The following LRRC4C variants were observed in gnomAD, a reference collection of about 807,000 sequenced individuals.
LRRC4C encodes leucine-rich repeat-containing protein 4C.
LRRC4C carries 5 observed loss-of-function variants against 33.6 expected under a neutral mutation model. The ratio of observed to expected loss-of-function variants is 0.15; its 90% CI spans 0.08 to 0.31. LRRC4C has a LOEUF of 0.31. LRRC4C is among the 10% of genes least tolerant of loss of function. The pLI, the probability that LRRC4C is intolerant of heterozygous loss-of-function variation, is 1.00. For synonymous variants in LRRC4C, 329 were observed against 302.0 expected, an observed-to-expected ratio of 1.09 and a Z score of -0.93; for missense variants, 560 against 796.7, an observed-to-expected ratio of 0.70 and a Z score of 3.58.
intron 3 of LRRC4C, among the ~76,000 whole-genome samples, chr11:40,572,425 G>A (rs908734369): frequency 2.0e-5 from 3 of 152,162 alleles, no homozygotes; most frequent in Non-Finnish European, 4.4e-5. Flanking sequence ...GGTGGAAAGA[G>A]CTCATCGATG....
intron 2 of LRRC4C, among the ~76,000 whole-genome samples, chr11:40,924,743 A>G (rs1178404045): frequency 6.6e-6 from 1 of 152,172 alleles, no homozygotes; most frequent in Non-Finnish European, 1.5e-5. Flanking sequence ...ATATTGAAAT[A>G]TCATATATAT....
intron 3 of LRRC4C, among the ~76,000 whole-genome samples, chr11:40,509,705 T>G (rs960050598): frequency 6.6e-6 from 1 of 152,168 alleles, no homozygotes; most frequent in Non-Finnish European, 1.5e-5. Flanking sequence ...GAGATATTTT[T>G]GATTAAATAA....
At chr11:40,871,029 G>A (rs371411896) in intron 2 of LRRC4C, among the ~76,000 whole-genome samples, 1 of 152,038 alleles carries the variant, frequency 6.6e-6, no homozygotes, top group East Asian at 1.9e-4. Flanking sequence ...TTTTATGGTC[G>A]AAGCTGTAGG....
chr11:41,018,891 G>A lies in LRRC4C; in HGVS notation c.-495-85168C>T, dbSNP rs553213806. On this transcript the variant is annotated intron_variant, in intron 1 of 6. Coordinates refer to ENST00000528697, the MANE Select transcript of LRRC4C (RefSeq NM_001258419.2). Reference sequence around the variant, plus strand: ...TCATTCTCATTATTTCTTTGATATTGAGGTGCAATTTATATGCTGTAAAAT... The same window carrying A: ...TCATTCTCATTATTTCTTTGATATTAAGGTGCAATTTATATGCTGTAAAAT... 1.2e-4 allele frequency among the ~76,000 whole-genome samples: 19 copies of A among 152,150 alleles called. No individual in the cohort carries two copies. The South Asian group carries it at 3.7e-3, about 30-fold the overall frequency.
rs200533516 is a variant in LRRC4C, at chr11:40,242,183, G to GT, written c.-175-586dup. Among the ~76,000 whole-genome samples, 600 of 152,032 alleles carry GT rather than the reference G, an allele frequency of 3.9e-3. 5 individuals are homozygous for GT. Among genetic ancestry groups the GT allele is most frequent in the Admixed American group, 0.01 (156 of 15,266 alleles). On this transcript the variant is annotated intron_variant, in intron 4 of 6. Coordinates refer to ENST00000528697, the MANE Select transcript of LRRC4C (RefSeq NM_001258419.2). ...GGACTTCTCTGGTGTTTTTGGAAAT[G>GT]TTTTTTTTCTTATTGCATTACAATT... is the stretch of plus-strand genomic sequence containing the variant.
intron 1 of LRRC4C, among the ~76,000 whole-genome samples, chr11:40,946,363 G>A (rs972278923): frequency 6.6e-6 from 1 of 152,104 alleles, no homozygotes; most frequent in Non-Finnish European, 1.5e-5. Flanking sequence ...TTGATTCTAT[G>A]ACTGCTATGG....
chr11:40,586,852 G>C (rs1958777419), intron 3 of LRRC4C, among the ~76,000 whole-genome samples: 1 of 152,192 alleles, frequency 6.6e-6, no homozygotes, highest in South Asian at 2.1e-4. Context: ...TGTGGTACCA[G>C]TACCATGCTG....
At chr11:41,003,465 T>C (rs1854520669) in intron 1 of LRRC4C, among the ~76,000 whole-genome samples, 1 of 152,158 alleles carries the variant, frequency 6.6e-6, no homozygotes, top group Non-Finnish European at 1.5e-5. Context: ...CATTCACAGA[T>C]ACCTTGGGGA....
At chr11:40,308,647 T>C (rs1945156655) in intron 4 of LRRC4C, among the ~76,000 whole-genome samples, 2 of 152,148 alleles carry the variant, frequency 1.3e-5, no homozygotes, top group South Asian at 2.1e-4. Flanking sequence ...CCACAAACTT[T>C]TTTTTTCCAT....
intron 2 of LRRC4C, among the ~76,000 whole-genome samples, chr11:40,885,450 A>C (rs1208412747): frequency 6.6e-6 from 1 of 152,060 alleles, no homozygotes; most frequent in Non-Finnish European, 1.5e-5. Context: ...CATAGCATCA[A>C]AGGTCAAGGA....
chr11:40,936,104 G>A lies in LRRC4C; in HGVS notation c.-495-2381C>T, dbSNP rs551433465. On this transcript the variant is annotated intron_variant, in intron 1 of 6. Transcript: ENST00000528697. Reference sequence around the variant, plus strand: ...CCTTAACTCTGTCCTGAGAAAAAATGTGTATTGCAATGTAACTGAGCTGCA... The same window carrying A: ...CCTTAACTCTGTCCTGAGAAAAAATATGTATTGCAATGTAACTGAGCTGCA... Among the ~76,000 whole-genome samples the A allele has an allele frequency of 7.6e-5, 10 of 131,308 alleles. No individual in the cohort carries two copies. In the South Asian group the frequency reaches 2.5e-3, roughly 33 times the overall value. 86.1% of individuals were successfully genotyped at this position (131,308 alleles called of 152,430 possible).
At chr11:41,293,144 A>T (rs1258113635) in intron 1 of LRRC4C, among the ~76,000 whole-genome samples, 1 of 152,180 alleles carries the variant, frequency 6.6e-6, no homozygotes, top group African/African-American at 2.4e-5. Context: ...TCATATTATA[A>T]CACAATATAT....
chr11:40,496,800 C>A (rs1333227735), intron 3 of LRRC4C, among the ~76,000 whole-genome samples: 1 of 152,086 alleles, frequency 6.6e-6, no homozygotes, highest in Non-Finnish European at 1.5e-5. Flanking sequence ...TCCGACCCAG[C>A]GTGAGAAACT....
At chr11:41,070,479 C>G (rs1280343781) in intron 1 of LRRC4C, among the ~76,000 whole-genome samples, 1 of 152,028 alleles carries the variant, frequency 6.6e-6, no homozygotes, top group African/African-American at 2.4e-5. Flanking sequence ...AATGAAAAGG[C>G]AATCTACAGA....
intron 1 of LRRC4C, among the ~76,000 whole-genome samples, chr11:41,190,656 T>A (rs1394350110): frequency 6.6e-6 from 1 of 152,118 alleles, no homozygotes; most frequent in Non-Finnish European, 1.5e-5. Flanking sequence ...CTGCGTACAT[T>A]TGTGTTCGTC....
rs139845877 is a variant in LRRC4C at position 40,277,029 on chromosome 11, A to C, written c.-175-35431T>G. Among the ~76,000 whole-genome samples, 207 of 152,170 alleles carry C rather than the reference A, an allele frequency of 1.4e-3. 2 individuals are homozygous for C. The highest frequency in any genetic ancestry group is 4.8e-3 in the African/African-American group (199 of 41,520). Reference sequence around the variant, plus strand: ...CTGGTAGGAAAAGGTAAAGAGTGTTAAGAGTTATGGGGGAAAAGGTCCAAT... The same window carrying C: ...CTGGTAGGAAAAGGTAAAGAGTGTTCAGAGTTATGGGGGAAAAGGTCCAAT... On this transcript the variant is annotated intron_variant, in intron 4 of 6. Transcript: ENST00000528697.
At chr11:41,034,930 G>T (rs1159493797) in intron 1 of LRRC4C, among the ~76,000 whole-genome samples, 1 of 148,240 alleles carries the variant, frequency 6.7e-6, no homozygotes, top group Non-Finnish European at 1.5e-5. Flanking sequence ...TGATTTTTTG[G>T]GGGTCGTTGG....
At chr11:40,565,908 A>C (rs1957740586) in intron 3 of LRRC4C, among the ~76,000 whole-genome samples, 1 of 152,136 alleles carries the variant, frequency 6.6e-6, no homozygotes, top group Non-Finnish European at 1.5e-5. Flanking sequence ...TTGTCTAGTT[A>C]GAAAGTACTT....
chr11:40,910,400 C>A (rs1204789025), intron 2 of LRRC4C, among the ~76,000 whole-genome samples: 2 of 152,122 alleles, frequency 1.3e-5, no homozygotes, highest in Non-Finnish European at 2.9e-5. Flanking sequence ...AAGAAATTAT[C>A]ATCTGGTTAT....
Sources: gnomAD v4.1 joint callset for allele counts (sites outside exome capture counted in the v4.1 genomes callset) on GRCh38, gnomAD v4.1.1 for gene constraint, MANE v1.5 for transcripts, NCBI Gene and HGNC (gene_info 2026-07-23, HGNC 2026-07-21) for gene names.